CALD1: variants seen among roughly 807,000 people sequenced by gnomAD.
CALD1 encodes caldesmon 1.
CALD1 carries 33 observed loss-of-function variants against 99.9 expected under a neutral mutation model. That is an observed-to-expected ratio of 0.33 (90% CI 0.25 to 0.44). CALD1 has a LOEUF of 0.44. Ranked by LOEUF, CALD1 falls within the 20% of genes least tolerant of loss-of-function variation. The probability of loss-of-function intolerance (pLI) is 1.00; values close to 1 mark genes in which losing one functional copy is unlikely to be tolerated. For synonymous variants in CALD1, 310 were observed against 325.0 expected (o/e 0.95, Z 0.50); for missense variants, 861 against 962.1 (o/e 0.89, Z 1.39).
intron 3 of CALD1, among the ~76,000 whole-genome samples, chr7:134,872,218 A>G (rs760186094): frequency 4.6e-5 from 7 of 152,060 alleles, no homozygotes; most frequent in Non-Finnish European, 1.0e-4. Context: ...GTAGCTAGGC[A>G]TGGTGGTGGG....
At chr7:134,764,610 T>G (rs1796809615) in intron 1 of CALD1, among the ~76,000 whole-genome samples, 1 of 152,218 alleles carries the variant, frequency 6.6e-6, no homozygotes, top group Admixed American at 6.5e-5. Context: ...GGAAACAGGA[T>G]GGATATACTT....
rs1420477584 is a variant in CALD1 at position 134,757,241 on chromosome 7, C to A, written c.-130+12878C>A. ...GAAAACTGCACTTACTTTACTCTTC[C>A]TTCTCTCTGGAGAGCACAGCCTACG... On this transcript the variant is annotated intron_variant, in intron 1 of 13. Coordinates refer to the CALD1 transcript ENST00000417172. Among the ~76,000 whole-genome samples, 5 of 152,240 alleles carry A rather than the reference C, an allele frequency of 3.3e-5. No homozygotes were observed. The East Asian group carries it at 9.7e-4, about 29-fold the overall frequency.
In CALD1 at chr7:134,848,048, G is replaced by A. The variant is rs145171574; in HGVS notation, c.-42+4077G>A. ...TTAAGTTGTGAACATCTCATACCAC[G>A]CCGTGCAACAGTACTCAAATAGGAC... On this transcript the variant is annotated intron_variant, in intron 2 of 14. Transcript: ENST00000361675. 7.8e-3 allele frequency among the ~76,000 whole-genome samples: 1,186 copies of A among 151,866 alleles called. 8 individuals carry two copies. Among genetic ancestry groups the A allele is most frequent in the Non-Finnish European group, 0.011 (773 of 67,926 alleles).
At chr7:134,826,252 A>C (rs1223212221) in intron 1 of CALD1, among the ~76,000 whole-genome samples, 3 of 152,164 alleles carry the variant, frequency 2.0e-5, no homozygotes, top group Non-Finnish European at 2.9e-5. Flanking sequence ...CCACCCTCCC[A>C]GGCAGGCTTT....
At chr7:134,711,981 TAAAGGAAGGAAGG>T in the CALD1 span, among the ~76,000 whole-genome samples, 1 of 130,620 alleles carries the variant, frequency 7.7e-6, no homozygotes, top group East Asian at 2.3e-4. Context: ...AGGTACCAAA[TAAAGGAAGGAAGG>T]AAAGAAGGAA....
At chr7:134,848,826 A>G (rs1328413132) in intron 2 of CALD1, among the ~76,000 whole-genome samples, 2 of 152,222 alleles carry the variant, frequency 1.3e-5, no homozygotes, top group African/African-American at 2.4e-5. Context: ...AATGGTTTAT[A>G]AATTTTAAAA....
At chr7:134,717,167 G>A in the CALD1 span, among the ~76,000 whole-genome samples, 1 of 152,152 alleles carries the variant, frequency 6.6e-6, no homozygotes, top group African/African-American at 2.4e-5. Flanking sequence ...CATTAGTGTG[G>A]TACACTTGTT....
At chr7:134,821,158 GAAGA>G (rs1208344151) in intron 1 of CALD1, among the ~76,000 whole-genome samples, 4 of 152,006 alleles carry the variant, frequency 2.6e-5, no homozygotes, top group East Asian at 1.9e-4. Context: ...TTTAAATAGA[GAAGA>G]AAGAGACTGT....
intron 2 of CALD1, among the ~76,000 whole-genome samples, chr7:134,853,891 T>C (rs1030284361): frequency 3.1e-5 from 4 of 127,298 alleles, no homozygotes. Flanking sequence ...GGTCCCAGTG[T>C]GTGATGTTCC....
At chr7:134,727,636 T>C in the CALD1 span, among the ~76,000 whole-genome samples, 3 of 152,190 alleles carry the variant, frequency 2.0e-5, no homozygotes, top group African/African-American at 7.2e-5. Context: ...TTACTTTCCT[T>C]GCACGGATTA....
intron 1 of CALD1, among the ~76,000 whole-genome samples, chr7:134,753,838 C>T (rs1796705830): frequency 6.6e-6 from 1 of 152,206 alleles, no homozygotes; most frequent in African/African-American, 2.4e-5. Context: ...TGATCCCTCC[C>T]TGGCCTGCTC....
chr7:134,882,396 C>A (rs565126763), intron 3 of CALD1, among the ~76,000 whole-genome samples: 2 of 152,084 alleles, frequency 1.3e-5, no homozygotes, highest in African/African-American at 4.8e-5. Context: ...GAATTTTGAC[C>A]ACTTATGCTT....
At chr7:134,954,245 T>C (rs1807596860) in intron 9 of CALD1, among the ~76,000 whole-genome samples, 1 of 152,218 alleles carries the variant, frequency 6.6e-6, no homozygotes, top group South Asian at 2.1e-4. Context: ...TCATATGCAA[T>C]AAAGAATAGA....
At chr7:134,892,991 G>C (rs952148817) in intron 3 of CALD1, among the ~76,000 whole-genome samples, 1 of 151,786 alleles carries the variant, frequency 6.6e-6, no homozygotes, top group African/African-American at 2.4e-5. Context: ...TGAGGAAACT[G>C]AGGCACAGGA....
intron 1 of CALD1, among the ~76,000 whole-genome samples, chr7:134,811,809 C>T (rs1798363205): frequency 6.6e-6 from 1 of 152,098 alleles, no homozygotes; most frequent in Non-Finnish European, 1.5e-5. Context: ...GTTCTCTCAC[C>T]CCACTGGCTA....
intron 1 of CALD1, among the ~76,000 whole-genome samples, chr7:134,842,321 A>G (rs1255983429): frequency 6.6e-6 from 1 of 152,272 alleles, no homozygotes; most frequent in Non-Finnish European, 1.5e-5. Context: ...TAAGATAAGA[A>G]TATGTATTTT....
intron 3 of CALD1, among the ~76,000 whole-genome samples, chr7:134,896,980 T>C (rs1413183707): frequency 1.3e-5 from 2 of 152,172 alleles, no homozygotes; most frequent in African/African-American, 4.8e-5. Context: ...CCGACTACCA[T>C]GTGTCATGCT....
intron 1 of CALD1, among the ~76,000 whole-genome samples, chr7:134,787,647 C>G (rs1797357358): frequency 6.6e-6 from 1 of 152,142 alleles, no homozygotes; most frequent in African/African-American, 2.4e-5. Flanking sequence ...ACTTTGAGTG[C>G]ATGGATGGGG....
intron 2 of CALD1, among the ~76,000 whole-genome samples, chr7:134,855,487 C>T (rs1242653249): frequency 6.6e-6 from 1 of 152,184 alleles, no homozygotes; most frequent in Non-Finnish European, 1.5e-5. Flanking sequence ...GAAAACATTC[C>T]CAAAGAAACA....
Sources: gnomAD v4.1 joint callset for allele counts (sites outside exome capture counted in the v4.1 genomes callset) on GRCh38, gnomAD v4.1.1 for gene constraint, MANE v1.5 for transcripts, NCBI Gene and HGNC (gene_info 2026-07-23, HGNC 2026-07-21) for gene names.